Variants in CHODL observed in about 807,000 individuals in gnomAD.
The protein encoded by CHODL is transmembrane protein MT75.
CHODL carries 29 observed loss-of-function variants against 34.5 expected under a neutral mutation model. The ratio of observed to expected loss-of-function variants is 0.84; its 90% confidence interval spans 0.63 to 1.15. The LOEUF (loss-of-function observed/expected upper bound fraction) is 1.15. Among genes scored for constraint, CHODL ranks in the 50% most tolerant of loss-of-function variants. The pLI, the probability that CHODL is intolerant of heterozygous loss-of-function variation, is 0.00. For missense variants in CHODL, 332 were observed against 332.5 expected (o/e 1.00, Z 0.01); for synonymous variants, 125 against 116.1 (o/e 1.08, Z -0.49).
chr21:18,254,811 T>C (rs986938861), intron 1 of CHODL, among the ~76,000 whole-genome samples: 6 of 152,232 alleles, frequency 3.9e-5, no homozygotes, highest in African/African-American at 1.2e-4. Flanking sequence ...TTATTTCACT[T>C]GATAATTAGG....
At chr21:17,934,684 A>G (rs755026399) in intron 1 of CHODL, among the ~76,000 whole-genome samples, 1 of 152,068 alleles carries the variant, frequency 6.6e-6, no homozygotes, top group Non-Finnish European at 1.5e-5. Context: ...TCTTCCTTTT[A>G]TAATGTTAAA....
intron 2 of CHODL, among the ~76,000 whole-genome samples, chr21:18,040,583 AG>A (rs1351646249): frequency 6.6e-6 from 1 of 151,910 alleles, no homozygotes; most frequent in Non-Finnish European, 1.5e-5. Flanking sequence ...GGGCTGCATC[AG>A]CAGTTCAGTT....
chr21:18,183,097 A>G (rs893439106), intron 2 of CHODL, among the ~76,000 whole-genome samples: 1 of 152,254 alleles, frequency 6.6e-6, no homozygotes, highest in South Asian at 2.1e-4. Flanking sequence ...CTTTTAAAAT[A>G]CACTTTAAAA....
At chr21:17,970,225 GA>G (rs2063603617) in intron 1 of CHODL, among the ~76,000 whole-genome samples, 1 of 152,154 alleles carries the variant, frequency 6.6e-6, no homozygotes, top group South Asian at 2.1e-4. Flanking sequence ...TGGGAGCAGG[GA>G]AGGTAGTAAG....
intron 1 of CHODL, among the ~76,000 whole-genome samples, chr21:17,987,849 A>C (rs183318376): frequency 7.9e-5 from 12 of 152,266 alleles, no homozygotes; most frequent in Admixed American, 5.2e-4. Flanking sequence ...TCTATTATGT[A>C]TTTAATGTGA....
intron 2 of CHODL, among the ~76,000 whole-genome samples, chr21:18,213,332 C>G (rs995727055): frequency 6.6e-6 from 1 of 152,044 alleles, no homozygotes; most frequent in African/African-American, 2.4e-5. Context: ...AGAAAGAAAT[C>G]TTTCCTGACC....
chr21:18,070,025 T>TTCCCTTCCCTTC (rs1555860424), intron 2 of CHODL, among the ~76,000 whole-genome samples: 5 of 29,084 alleles, frequency 1.7e-4, no homozygotes, highest in Admixed American at 3.9e-4. Flanking sequence ...TTCCCTTCCC[T>TTCCCTTCCCTTC]CCCCCCCCCC....
intron 1 of CHODL, among the ~76,000 whole-genome samples, chr21:18,245,505 G>A (rs1294211455): frequency 6.6e-6 from 1 of 152,192 alleles, no homozygotes; most frequent in Non-Finnish European, 1.5e-5. Context: ...TTAAATTTTT[G>A]TGAAGCGCTT....
intron 2 of CHODL, among the ~76,000 whole-genome samples, chr21:18,126,065 G>A (rs1308641245): frequency 6.6e-6 from 1 of 152,162 alleles, no homozygotes; most frequent in Admixed American, 6.5e-5. Context: ...AGGAGGCTAA[G>A]GCAGAAAGAT....
At chr21:18,181,291 T>C (rs111986051) in intron 2 of CHODL, among the ~76,000 whole-genome samples, 9 of 152,262 alleles carry the variant, frequency 5.9e-5, no homozygotes, top group African/African-American at 2.2e-4. Context: ...TTGAAGTATA[T>C]AATTTAATGG....
intron 2 of CHODL, among the ~76,000 whole-genome samples, chr21:18,133,645 A>G (rs1290066168): frequency 6.6e-6 from 1 of 152,188 alleles, no homozygotes; most frequent in African/African-American, 2.4e-5. Flanking sequence ...TTACAGGAGA[A>G]AGGTTAGGCA....
intron 2 of CHODL, among the ~76,000 whole-genome samples, chr21:18,130,008 A>G (rs1163432925): frequency 2.0e-5 from 3 of 152,040 alleles, no homozygotes; most frequent in Non-Finnish European, 4.4e-5. Context: ...ATATTTTGGA[A>G]GGCCAAGAAG....
At chr21:18,084,758 T>C (rs1364916861) in intron 2 of CHODL, among the ~76,000 whole-genome samples, 3 of 152,212 alleles carry the variant, frequency 2.0e-5, no homozygotes, top group Non-Finnish European at 4.4e-5. Context: ...TTGGATATAA[T>C]TTTCTGTAAA....
chr21:18,212,551 A>G (rs1357397666), intron 2 of CHODL, among the ~76,000 whole-genome samples: 4 of 138,906 alleles, frequency 2.9e-5, no homozygotes, highest in African/African-American at 1.2e-4. Context: ...TGGATGTACA[A>G]ATTTATTAAA....
At chr21:18,035,699 T>C (rs2064300882) in intron 2 of CHODL, among the ~76,000 whole-genome samples, 2 of 152,170 alleles carry the variant, frequency 1.3e-5, no homozygotes, top group South Asian at 2.1e-4. Flanking sequence ...TATTCACTAA[T>C]CTTTATTCTT....
At chr21:18,129,567 A>G (rs1032135051) in intron 2 of CHODL, among the ~76,000 whole-genome samples, 32 of 152,328 alleles carry the variant, frequency 2.1e-4, no homozygotes, top group African/African-American at 7.7e-4. Flanking sequence ...AAACATTAGT[A>G]TCTTTGTAGT....
intron 2 of CHODL, among the ~76,000 whole-genome samples, chr21:18,108,894 C>G (rs921943142): frequency 1.3e-5 from 2 of 150,728 alleles, no homozygotes; most frequent in Non-Finnish European, 3.0e-5. Context: ...TTTTCTTTCT[C>G]GCACTATTTT....
intron 1 of CHODL, among the ~76,000 whole-genome samples, chr21:17,949,007 G>C (rs2063435247): frequency 6.6e-6 from 1 of 152,100 alleles, no homozygotes; most frequent in African/African-American, 2.4e-5. Flanking sequence ...GCAAAATTTG[G>C]ATATGGAGTT....
intron 2 of CHODL, among the ~76,000 whole-genome samples, chr21:18,219,287 AAGG>A (rs998736311): frequency 8.5e-5 from 13 of 152,168 alleles, no homozygotes; most frequent in Admixed American, 2.6e-4. Context: ...TGATGACAGG[AAGG>A]AGAAGTGCCA....
Sources: allele counts gnomAD v4.1 joint callset (sites outside exome capture counted in the v4.1 genomes callset), GRCh38; gene constraint gnomAD v4.1.1; transcripts MANE v1.5; gene names NCBI Gene and HGNC (gene_info 2026-07-23, HGNC 2026-07-21).